The following EFCAB7 variants were observed in gnomAD, a reference collection of about 807,000 sequenced individuals.
The protein encoded by EFCAB7 is EF-hand calcium-binding domain-containing protein 7.
In EFCAB7, 66 loss-of-function variants were observed where a neutral mutation model predicts 77.1. That is an observed-to-expected ratio of 0.86 (90% CI 0.70 to 1.05). EFCAB7 has a LOEUF of 1.05. Ranked by LOEUF, EFCAB7 falls within the 50% of genes least tolerant of loss-of-function variation. The pLI is 0.00. For missense variants in EFCAB7, 638 were observed against 730.5 expected (o/e 0.87, Z 1.46); for synonymous variants, 225 against 243.3 (o/e 0.92, Z 0.70).
chr1:63,553,403 C>T (rs1356581588), intron 8 of EFCAB7, among the ~76,000 whole-genome samples: 1 of 152,130 alleles, frequency 6.6e-6, no homozygotes, highest in Non-Finnish European at 1.5e-5. Flanking sequence ...TGCAGTGGTG[C>T]GATCTTGCTC....
intron 2 of EFCAB7, 29 bp downstream of exon 2, chr1:63,525,788 A>C: frequency 6.9e-7 from 1 of 1,453,020 alleles, no homozygotes; most frequent in Non-Finnish European, 9.2e-7. Context: ...TAAATCTTTC[A>C]CCTTTTTGTT....
At chr1:63,564,143 C>T (rs1237589593) in intron 11 of EFCAB7, among the ~76,000 whole-genome samples, 1 of 152,014 alleles carries the variant, frequency 6.6e-6, no homozygotes, top group Non-Finnish European at 1.5e-5. Context: ...AAGTAACATC[C>T]CATAATCTAG....
At chr1:63,556,877 A>C (rs190297208) in intron 9 of EFCAB7, among the ~76,000 whole-genome samples, 1,964 of 151,132 alleles carry the variant, frequency 0.013, 55 homozygotes, top group African/African-American at 0.045. Flanking sequence ...AAAATACAAA[A>C]AAAAAAAAAA....
At chr1:63,526,155 T>C (rs763898628) in intron 2 of EFCAB7, among the ~76,000 whole-genome samples, 35 of 152,188 alleles carry the variant, frequency 2.3e-4, no homozygotes, top group Non-Finnish European at 4.6e-4. Context: ...TCTGAAAAAG[T>C]GAAGTACTGA....
At chr1:63,580,134 G>A in the EFCAB7 span, among the ~76,000 whole-genome samples, 2 of 152,096 alleles carry the variant, frequency 1.3e-5, no homozygotes, top group East Asian at 1.9e-4. Flanking sequence ...GTTAGAAGTC[G>A]TTGTCTAACC....
downstream of EFCAB7, among the ~76,000 whole-genome samples, chr1:63,574,953 G>A (rs1251845034): frequency 2.0e-5 from 3 of 151,964 alleles, no homozygotes; most frequent in Non-Finnish European, 4.4e-5. Flanking sequence ...AAAATGAGTG[G>A]AAAATTAAAA....
At chr1:63,550,037 T>C (rs1646947167) in intron 7 of EFCAB7, 1 of 152,524 alleles carries the variant, frequency 6.6e-6, no homozygotes, top group African/African-American at 2.4e-5. Flanking sequence ...TTCCTTGTTA[T>C]TTGTATTATT....
chr1:63,532,758 T>C lies in EFCAB7; in HGVS notation c.486+2T>C, dbSNP rs757313366. On this transcript the variant is annotated splice_donor_variant, in intron 4 of 13. Coordinates refer to ENST00000371088, the MANE Select transcript of EFCAB7 (RefSeq NM_032437.4). LOFTEE classifies it high-confidence loss of function. ...GATGGCAAATTTGACTACATCAAGG[T>C]ACATAAGCTCACATTGATGTAAATT... 1.1e-5 allele frequency: 17 copies of C among 1,595,256 alleles called. No homozygotes were observed. The East Asian group carries it at 3.6e-4, about 34-fold the overall frequency.
chr1:63,580,368 T>A, the EFCAB7 span, among the ~76,000 whole-genome samples: 1 of 152,208 alleles, frequency 6.6e-6, no homozygotes, highest in East Asian at 1.9e-4. Context: ...AAAAATTCAC[T>A]GGTCATATAG....
intron 8 of EFCAB7, among the ~76,000 whole-genome samples, chr1:63,552,238 A>G (rs1646974473): frequency 6.6e-6 from 1 of 152,172 alleles, no homozygotes; most frequent in Non-Finnish European, 1.5e-5. Flanking sequence ...CTCTAAAAAA[A>G]AATTTAAATA....
At chr1:63,572,019 A>T (rs1216636985) in intron 13 of EFCAB7, among the ~76,000 whole-genome samples, 3 of 152,202 alleles carry the variant, frequency 2.0e-5, no homozygotes. Flanking sequence ...CCTACTGGGC[A>T]AGTGAAGGGA....
chr1:63,530,828 A>G (rs1196749417), intron 2 of EFCAB7, among the ~76,000 whole-genome samples: 2 of 152,222 alleles, frequency 1.3e-5, no homozygotes, highest in Admixed American at 6.5e-5. Context: ...TGACATTGGT[A>G]TTCTTAAATG....
chr1:63,544,602 G>A (rs369777630), intron 6 of EFCAB7, among the ~76,000 whole-genome samples: 328 of 151,822 alleles, frequency 2.2e-3, no homozygotes, highest in African/African-American at 7.7e-3. Context: ...TAGTAAAGAC[G>A]GGGTTTCACC....
chr1:63,571,155 CTTTTG>C (rs1647246515), intron 13 of EFCAB7, 27 bp downstream of exon 13: 2 of 1,536,888 alleles, frequency 1.3e-6, no homozygotes, highest in East Asian at 2.3e-5. Flanking sequence ...TAATTAAAGC[CTTTTG>C]TTTTATGTCT....
At chr1:63,544,156 A>T (rs910651483) in intron 6 of EFCAB7, among the ~76,000 whole-genome samples, 2 of 151,352 alleles carry the variant, frequency 1.3e-5, no homozygotes, top group African/African-American at 4.9e-5. Flanking sequence ...TTTAGTAGAG[A>T]TGGTGTTTTG....
chr1:63,577,964 TTAAA>T, the EFCAB7 span, among the ~76,000 whole-genome samples: 2 of 152,128 alleles, frequency 1.3e-5, no homozygotes, highest in African/African-American at 4.8e-5. Flanking sequence ...ATTTTAAAAT[TTAAA>T]TAATATAAAA....
At chr1:63,563,777 T>C (rs1338143439) in intron 11 of EFCAB7, among the ~76,000 whole-genome samples, 2 of 152,206 alleles carry the variant, frequency 1.3e-5, no homozygotes, top group Non-Finnish European at 2.9e-5. Context: ...TATTTTTCCT[T>C]ATTAAATTCT....
intron 3 of EFCAB7, 27 bp downstream of exon 3, chr1:63,532,058 TG>T: frequency 6.4e-7 from 1 of 1,554,636 alleles, no homozygotes; most frequent in South Asian, 1.2e-5. Context: ...TGTTTTGTAA[TG>T]TGCATATTTT....
At chr1:63,576,166 C>G (rs1647407203), downstream of EFCAB7, among the ~76,000 whole-genome samples, 1 of 152,148 alleles carries the variant, frequency 6.6e-6, no homozygotes, top group Non-Finnish European at 1.5e-5. Flanking sequence ...GAGCCAGGAA[C>G]TCTAGGAATC....
Sources: allele counts gnomAD v4.1 joint callset (sites outside exome capture counted in the v4.1 genomes callset), GRCh38; gene constraint gnomAD v4.1.1; transcripts MANE v1.5; gene names NCBI Gene and HGNC (gene_info 2026-07-23, HGNC 2026-07-21).